The following IRAG2 variants were observed in gnomAD, a reference collection of about 807,000 sequenced individuals.
IRAG2 encodes lymphoid restricted membrane protein.
In IRAG2, 45 loss-of-function variants were observed where a neutral mutation model predicts 69.9. The ratio of observed to expected loss-of-function variants is 0.64; its 90% CI spans 0.51 to 0.83. The LOEUF (loss-of-function observed/expected upper bound fraction) is 0.83. Ranked by LOEUF, IRAG2 falls within the 40% of genes least tolerant of loss-of-function variation. The probability of loss-of-function intolerance (pLI) is 0.00; values close to 1 mark genes in which losing one functional copy is unlikely to be tolerated. For synonymous variants in IRAG2, 193 were observed against 202.4 expected (o/e 0.95, Z 0.40); for missense variants, 520 against 587.0 (o/e 0.89, Z 1.18).
intron 10 of IRAG2, among the ~76,000 whole-genome samples, chr12:25,085,807 A>G (rs902021733): frequency 1.3e-5 from 2 of 148,470 alleles, no homozygotes; most frequent in Non-Finnish European, 2.9e-5. Flanking sequence ...TACCTAATAC[A>G]GTATAAATGC....
At chr12:25,071,093 G>T (rs190279955) in intron 6 of IRAG2, among the ~76,000 whole-genome samples, 2 of 152,100 alleles carry the variant, frequency 1.3e-5, no homozygotes, top group African/African-American at 4.8e-5. Flanking sequence ...AAAAGGAAAT[G>T]AATCTATTTT....
At chr12:25,027,811 G>A (rs1287332126) in intron 9 of IRAG2, among the ~76,000 whole-genome samples, 3 of 152,086 alleles carry the variant, frequency 2.0e-5, no homozygotes, top group South Asian at 2.1e-4. Context: ...ATTATGAATC[G>A]TCTGCTATGA....
At chr12:25,037,363 A>AT (rs1944709595) in intron 15 of IRAG2, among the ~76,000 whole-genome samples, 2 of 152,106 alleles carry the variant, frequency 1.3e-5, no homozygotes, top group African/African-American at 4.8e-5. Flanking sequence ...CAGTGGCGTG[A>AT]TCTTAGCTCA....
At chr12:25,040,997 AT>A (rs781247015) in intron 16 of IRAG2, among the ~76,000 whole-genome samples, 4 of 152,232 alleles carry the variant, frequency 2.6e-5, no homozygotes, top group Non-Finnish European at 5.9e-5. Context: ...GACTGGGAGC[AT>A]TTTAGAGAGA....
chr12:25,064,893 C>T (rs1486878439), intron 4 of IRAG2, among the ~76,000 whole-genome samples: 3 of 152,082 alleles, frequency 2.0e-5, no homozygotes, highest in East Asian at 3.9e-4. Flanking sequence ...AGTTGGAGAC[C>T]AGCCTGGCCA....
At chr12:25,035,196 T>G (rs1294514069) in intron 13 of IRAG2, among the ~76,000 whole-genome samples, 1 of 152,158 alleles carries the variant, frequency 6.6e-6, no homozygotes, top group Non-Finnish European at 1.5e-5. Context: ...GGTCATATAT[T>G]TAAAATATGA....
intron 9 of IRAG2, among the ~76,000 whole-genome samples, chr12:25,080,131 T>A (rs1016368112): frequency 2.0e-5 from 3 of 152,198 alleles, no homozygotes; most frequent in Admixed American, 2.0e-4. Context: ...AGTTCGAATT[T>A]ATCAGGTTAG....
chr12:25,100,000 GA>G (rs56728551), intron 15 of IRAG2, among the ~76,000 whole-genome samples: 16 of 25,670 alleles, frequency 6.2e-4, no homozygotes, highest in East Asian at 1.8e-3. Flanking sequence ...GACTCCATCT[GA>G]AAAAAAAAAA....
intron 16 of IRAG2, among the ~76,000 whole-genome samples, chr12:25,042,772 A>G (rs1565532877): frequency 6.6e-6 from 1 of 152,016 alleles, no homozygotes; most frequent in Non-Finnish European, 1.5e-5. Context: ...GCCCCCATCT[A>G]GTATTTTTAA....
chr12:25,101,786 T>G (rs939135578), intron 16 of IRAG2, among the ~76,000 whole-genome samples: 4 of 152,242 alleles, frequency 2.6e-5, no homozygotes, highest in East Asian at 1.9e-4. Flanking sequence ...GAGTAACATA[T>G]CGTTTCTATA....
intron 3 of IRAG2, among the ~76,000 whole-genome samples, chr12:25,013,866 CTTTTTTTTTTTTT>C (rs71063386): frequency 1.0e-4 from 8 of 79,520 alleles, no homozygotes; most frequent in Admixed American, 3.7e-4. Flanking sequence ...TTTTCTTTTT[CTTTTTTTTTTTTT>C]TTTTTTTTTT....
intron 13 of IRAG2, 122 bp downstream of exon 13, chr12:25,089,912 C>A: frequency 7.8e-7 from 1 of 1,288,914 alleles, no homozygotes; most frequent in Non-Finnish European, 1.1e-6. Flanking sequence ...GGCTGTGACT[C>A]AGTGCAGGTG....
chr12:25,076,780 A>T, intron 6 of IRAG2: 1 of 219,540 alleles, frequency 4.6e-6, no homozygotes, highest in Non-Finnish European at 7.7e-6. Context: ...TAAGAAATCA[A>T]TTCTTATTGA....
At chr12:25,050,459 C>G (rs765417236), upstream of IRAG2, among the ~76,000 whole-genome samples, 1 of 147,218 alleles carries the variant, frequency 6.8e-6, no homozygotes, top group Non-Finnish European at 1.5e-5. Flanking sequence ...AACCCGGGAG[C>G]CAAAGGTTGC....
In IRAG2 at chr12:25,060,408, C is replaced by T. The variant is rs529840577; in HGVS notation, c.-446-1184C>T. ...AGGCATAAGACCTTTAGAGATTTTA[C>T]TTAAGCAGAAAAACAAATATTTTTA... On this transcript the variant is annotated intron_variant, in intron 1 of 21. Transcript: ENST00000556887. Among the ~76,000 whole-genome samples, 6 of 152,192 alleles carry T rather than the reference C, an allele frequency of 3.9e-5. No homozygotes were observed. In the South Asian group the frequency reaches 1.0e-3, roughly 26 times the overall value.
chr12:25,012,628 G>C (rs1347653289), intron 3 of IRAG2, among the ~76,000 whole-genome samples: 1 of 151,866 alleles, frequency 6.6e-6, no homozygotes, highest in Non-Finnish European at 1.5e-5. Flanking sequence ...GGCAGTTGGA[G>C]ACCAGCCAGG....
chr12:25,017,033 T>C, intron 5 of IRAG2: 1 of 864,252 alleles, frequency 1.2e-6, no homozygotes, highest in Non-Finnish European at 1.5e-6. Context: ...AAAAAAAAAC[T>C]CACCAGAATA....
intron 1 of IRAG2, among the ~76,000 whole-genome samples, chr12:25,060,021 T>G (rs1269987459): frequency 6.6e-6 from 1 of 152,212 alleles, no homozygotes; most frequent in African/African-American, 2.4e-5. Context: ...CTGTTAATAA[T>G]TTTCCTGGCT....
Position 25,089,953 on chromosome 12 carries a change from G to A in IRAG2, c.466-104G>A. ...TGTGCATGTCAGCATTATGTTGCTG[G>A]GGGGAGAAAGAAATGCCTCAGTATA... On this transcript the variant is annotated intron_variant, in intron 13 of 21. Transcript: ENST00000556887. The A allele has an allele frequency of 3.0e-6, 4 of 1,345,244 alleles. No individual in the cohort carries two copies. In the South Asian group the frequency reaches 3.8e-5, roughly 13 times the overall value. The allele number at this position is 1,345,244 out of a possible 1,614,324, so 83.3% of individuals were successfully genotyped here. A position where few individuals can be genotyped will look rare whatever the true frequency, so the allele number is the denominator to read the frequency against.
Sources: allele counts gnomAD v4.1 joint callset (sites outside exome capture counted in the v4.1 genomes callset), GRCh38; gene constraint gnomAD v4.1.1; transcripts MANE v1.5; gene names NCBI Gene and HGNC (gene_info 2026-07-23, HGNC 2026-07-21).